Variants in KCNIP4 observed in about 807,000 individuals in gnomAD.
KCNIP4 encodes the protein potassium voltage-gated channel interacting protein 4, also known as Kv channel-interacting protein 4.
Under a neutral mutation model 34.0 loss-of-function variants are expected in KCNIP4, and 12 were observed. The ratio of observed to expected loss-of-function variants is 0.35; its 90% CI spans 0.23 to 0.57. The LOEUF (loss-of-function observed/expected upper bound fraction) is 0.57. KCNIP4 is among the 20% of genes least tolerant of loss of function. The pLI is 0.83. For missense variants in KCNIP4, 238 were observed against 311.7 expected, an observed-to-expected ratio of 0.76 and a Z score of 1.78; for synonymous variants, 124 against 102.2, an observed-to-expected ratio of 1.21 and a Z score of -1.29.
chr4:20,849,059 C>T (rs1720716831), intron 3 of KCNIP4, among the ~76,000 whole-genome samples: 1 of 152,160 alleles, frequency 6.6e-6, no homozygotes, highest in Non-Finnish European at 1.5e-5. Context: ...GCAGAATAGG[C>T]ATAACTACTC....
At chr4:21,869,910 C>A (rs1725673416) in intron 1 of KCNIP4, among the ~76,000 whole-genome samples, 1 of 152,092 alleles carries the variant, frequency 6.6e-6, no homozygotes, top group African/African-American at 2.4e-5. Flanking sequence ...TGAGAGATAA[C>A]CAGCCAGTCT....
intron 1 of KCNIP4, among the ~76,000 whole-genome samples, chr4:21,654,602 C>A (rs186242523): frequency 1.4e-4 from 22 of 151,974 alleles, no homozygotes; most frequent in Admixed American, 1.4e-3. Context: ...AAACACTGGG[C>A]TCATAGCAAG....
chr4:21,657,841 A>ATT (rs34034617), intron 1 of KCNIP4, among the ~76,000 whole-genome samples: 3 of 145,256 alleles, frequency 2.1e-5, no homozygotes, highest in Non-Finnish European at 4.6e-5. Flanking sequence ...TTTAAACATA[A>ATT]TTTTTTTTTT....
intron 3 of KCNIP4, among the ~76,000 whole-genome samples, chr4:20,840,712 T>C (rs1719619720): frequency 6.6e-6 from 1 of 152,102 alleles, no homozygotes. Flanking sequence ...GATTAGGAAA[T>C]GAAAGAGAAA....
At chr4:21,413,736 G>T (rs1267628175) in intron 1 of KCNIP4, among the ~76,000 whole-genome samples, 1 of 152,194 alleles carries the variant, frequency 6.6e-6, no homozygotes, top group Non-Finnish European at 1.5e-5. Flanking sequence ...TGAATCTTCA[G>T]CTCCTTTACC....
At chr4:21,291,878 A>G (rs1233194385) in intron 1 of KCNIP4, among the ~76,000 whole-genome samples, 1 of 25,130 alleles carries the variant, frequency 4.0e-5, no homozygotes, top group Non-Finnish European at 7.2e-5. Flanking sequence ...AAAGAAAGAA[A>G]GAAAGAAAGA....
intron 3 of KCNIP4, among the ~76,000 whole-genome samples, chr4:20,783,552 T>G (rs773606645): frequency 2.6e-5 from 4 of 152,176 alleles, no homozygotes; most frequent in East Asian, 3.9e-4. Flanking sequence ...GTGAGACTTA[T>G]TCACTACCAT....
intron 1 of KCNIP4, among the ~76,000 whole-genome samples, chr4:21,809,541 T>C (rs1721499378): frequency 6.6e-6 from 1 of 152,148 alleles, no homozygotes; most frequent in Non-Finnish European, 1.5e-5. Context: ...CTAATATGCA[T>C]ATGTTCACCT....
intron 1 of KCNIP4, among the ~76,000 whole-genome samples, chr4:21,061,737 A>G (rs1228445448): frequency 6.6e-6 from 1 of 152,166 alleles, no homozygotes; most frequent in Non-Finnish European, 1.5e-5. Flanking sequence ...TGCCCCTTGA[A>G]ATTTCTTATG....
intron 1 of KCNIP4, among the ~76,000 whole-genome samples, chr4:21,499,559 TTTC>T (rs150934947): frequency 0.037 from 5,691 of 152,108 alleles, 317 homozygotes; most frequent in African/African-American, 0.12. Flanking sequence ...AATAAAATAC[TTTC>T]TTCTTCTCCA....
intron 1 of KCNIP4, among the ~76,000 whole-genome samples, chr4:21,214,419 T>C (rs1369946801): frequency 6.6e-6 from 1 of 152,240 alleles, no homozygotes; most frequent in Non-Finnish European, 1.5e-5. Flanking sequence ...TTCATTAGGC[T>C]GACTTCCCCG....
intron 1 of KCNIP4, among the ~76,000 whole-genome samples, chr4:21,767,567 G>C (rs1718504443): frequency 6.6e-6 from 1 of 151,900 alleles, no homozygotes; most frequent in African/African-American, 2.4e-5. Context: ...TAACCTCTTT[G>C]GGGTTAATTA....
At chr4:21,636,125 T>G (rs185503135) in intron 1 of KCNIP4, among the ~76,000 whole-genome samples, 19,808 of 114,670 alleles carry the variant, frequency 0.17, 1,795 homozygotes, top group Middle Eastern at 0.26. Context: ...AATATCACAC[T>G]CTGGGGACTG....
Position 21,570,985 on chromosome 4 carries a change from T to C in KCNIP4, c.61+377586A>G, listed in dbSNP as rs188425439. On this transcript the variant is annotated intron_variant, in intron 1 of 8. Transcript: ENST00000382152. The stretch of plus-strand genomic sequence containing the variant: ...ATTCAAACTCAAGTCTGACCCTAGA[T>C]TTCTTTCTCTTAAGCATTACATGCT... 2.4e-4 allele frequency among the ~76,000 whole-genome samples: 36 copies of C among 152,292 alleles called. No homozygotes were observed. The East Asian group carries it at 6.8e-3, about 29-fold the overall frequency.
chr4:21,234,537 G>A (rs1351079301), intron 1 of KCNIP4, among the ~76,000 whole-genome samples: 6 of 91,846 alleles, frequency 6.5e-5, no homozygotes, highest in East Asian at 3.0e-4. Flanking sequence ...TACATATAAC[G>A]TATATAATAT....
At chr4:21,948,544 C>A (rs1017446137) in intron 1 of KCNIP4, 27 bp downstream of exon 1, 1 of 1,605,994 alleles carries the variant, frequency 6.2e-7, no homozygotes, top group Admixed American at 1.7e-5. Flanking sequence ...GAAGCGGGCG[C>A]CCGCTCGCAA....
At chr4:21,400,658 C>T (rs1723476520) in intron 1 of KCNIP4, among the ~76,000 whole-genome samples, 1 of 151,880 alleles carries the variant, frequency 6.6e-6, no homozygotes, top group Non-Finnish European at 1.5e-5. Flanking sequence ...AAGTGCAAAT[C>T]TATTAATGGG....
At chr4:21,932,598 C>T (rs1181492183) in intron 1 of KCNIP4, among the ~76,000 whole-genome samples, 1 of 151,906 alleles carries the variant, frequency 6.6e-6, no homozygotes, top group Non-Finnish European at 1.5e-5. Context: ...AATGCCTGTA[C>T]AAGAGGTTAC....
At chr4:21,275,785 G>T (rs1254471699) in intron 1 of KCNIP4, among the ~76,000 whole-genome samples, 8 of 152,258 alleles carry the variant, frequency 5.3e-5, no homozygotes, top group Non-Finnish European at 1.2e-4. Context: ...GAACGTTGTA[G>T]AATTCCAATT....
Sources: allele counts gnomAD v4.1 joint callset (sites outside exome capture counted in the v4.1 genomes callset), GRCh38; gene constraint gnomAD v4.1.1; transcripts MANE v1.5; gene names NCBI Gene and HGNC (gene_info 2026-07-23, HGNC 2026-07-21).